PHLDB2: variants seen among roughly 807,000 people sequenced by gnomAD.
PHLDB2 encodes pleckstrin homology like domain family B member 2.
A neutral mutation model predicts 123.6 loss-of-function variants in PHLDB2; 71 were observed. The observed-to-expected ratio is 0.57, with a 90% CI of 0.47 to 0.70. The LOEUF is 0.70. Ranked by LOEUF, PHLDB2 falls within the 30% of genes least tolerant of loss-of-function variation. The pLI is 0.00. For missense variants in PHLDB2, 1,446 were observed against 1,519.5 expected (o/e 0.95, Z 0.80); for synonymous variants, 547 against 541.6 (o/e 1.01, Z -0.14).
intron 10 of PHLDB2, 129 bp from the exon 11 acceptor site, chr3:111,952,443 G>A: frequency 4.0e-6 from 4 of 1,002,246 alleles, no homozygotes; most frequent in African/African-American, 3.3e-5. Flanking sequence ...CACAATATAT[G>A]TTGAATAACT....
At chr3:111,966,818 C>T in intron 14 of PHLDB2, 115 bp downstream of exon 14, 1 of 705,366 alleles carries the variant, frequency 1.4e-6, no homozygotes, top group Non-Finnish European at 2.4e-6. Flanking sequence ...ATAAATCACT[C>T]AACCTTTCTC....
At chr3:111,943,702 CAT>C (rs1305407043) in intron 8 of PHLDB2, among the ~76,000 whole-genome samples, 1 of 152,118 alleles carries the variant, frequency 6.6e-6, no homozygotes, top group African/African-American at 2.4e-5. Flanking sequence ...AATTCCATCT[CAT>C]AAACTAAAAT....
At chr3:111,948,246 C>CGTGTGT (rs561953059) in intron 9 of PHLDB2, among the ~76,000 whole-genome samples, 1 of 149,410 alleles carries the variant, frequency 6.7e-6, no homozygotes, top group Admixed American at 6.7e-5. Context: ...CTTAGGACTC[C>CGTGTGT]GTGTGTGTGT....
intron 2 of PHLDB2, among the ~76,000 whole-genome samples, chr3:111,849,900 C>T (rs1472439876): frequency 2.7e-5 from 4 of 150,324 alleles, no homozygotes; most frequent in Non-Finnish European, 5.9e-5. Flanking sequence ...CTCGCTCTGT[C>T]GCCCAGGCTA....
intron 1 of PHLDB2, among the ~76,000 whole-genome samples, chr3:111,880,287 C>G (rs529356368): frequency 1.3e-5 from 2 of 152,100 alleles, no homozygotes; most frequent in Non-Finnish European, 2.9e-5. Context: ...ACCCCCTGAT[C>G]TAAAGGCAGA....
At chr3:111,929,764 C>T (rs535599597) in intron 5 of PHLDB2, among the ~76,000 whole-genome samples, 104 of 152,206 alleles carry the variant, frequency 6.8e-4, no homozygotes, top group African/African-American at 2.4e-3. Flanking sequence ...CTCTGGGACC[C>T]AGGTAGTGGT....
chr3:111,961,716 G>T (rs143109137), intron 12 of PHLDB2, among the ~76,000 whole-genome samples: 111 of 152,274 alleles, frequency 7.3e-4, no homozygotes, highest in Middle Eastern at 3.4e-3. Context: ...AGAAGTGCCT[G>T]CCCTAAAACC....
chr3:111,732,575 G>A, exon 1 of PHLDB2: 1 of 1,484,992 alleles, frequency 6.7e-7, no homozygotes, highest in African/African-American at 1.4e-5. Context: ...GGGAAAAGGA[G>A]AAACCTGTGT....
intron 1 of PHLDB2, among the ~76,000 whole-genome samples, chr3:111,828,221 A>G (rs2062760613): frequency 6.6e-6 from 1 of 152,188 alleles, no homozygotes; most frequent in African/African-American, 2.4e-5. Flanking sequence ...CTGGGAGAGA[A>G]AGGCCAAGAG....
intron 1 of PHLDB2, among the ~76,000 whole-genome samples, chr3:111,735,836 C>T (rs547322106): frequency 4.7e-4 from 71 of 152,204 alleles, no homozygotes; most frequent in Admixed American, 1.4e-3. Context: ...TGCAACTTGC[C>T]CAAGTCACAG....
intron 12 of PHLDB2, among the ~76,000 whole-genome samples, chr3:111,958,895 A>G (rs936334227): frequency 1.3e-5 from 2 of 152,320 alleles, no homozygotes; most frequent in East Asian, 1.9e-4. Context: ...GACTATTTAT[A>G]TAGAATATAT....
intron 5 of PHLDB2, among the ~76,000 whole-genome samples, chr3:111,925,560 G>A (rs1269795763): frequency 2.0e-5 from 3 of 152,212 alleles, no homozygotes; most frequent in Non-Finnish European, 4.4e-5. Context: ...GAAGCAGTAA[G>A]CAAAGAGACC....
At chr3:111,932,454 T>TTAA in intron 6 of PHLDB2, 57 bp downstream of exon 6, 1 of 1,509,798 alleles carries the variant, frequency 6.6e-7, no homozygotes. Context: ...GTTTTTCACT[T>TTAA]AAGTGCCACT....
intron 1 of PHLDB2, among the ~76,000 whole-genome samples, chr3:111,744,815 A>T (rs559384779): frequency 6.6e-6 from 1 of 152,350 alleles, no homozygotes; most frequent in African/African-American, 2.4e-5. Context: ...AGTGAATTAT[A>T]TGAAAGGATG....
chr3:111,913,267 T>G, intron 2 of PHLDB2, 52 bp from the exon 3 acceptor site: 1 of 1,516,154 alleles, frequency 6.6e-7, no homozygotes. Context: ...TTATTTGGAG[T>G]AGTATTCATT....
intron 5 of PHLDB2, among the ~76,000 whole-genome samples, chr3:111,928,632 A>G (rs2068940520): frequency 6.6e-6 from 1 of 152,198 alleles, no homozygotes; most frequent in African/African-American, 2.4e-5. Flanking sequence ...ACAACTCACT[A>G]TGGAAGCAAA....
chr3:111,955,768 C>T (rs906033539), intron 12 of PHLDB2, among the ~76,000 whole-genome samples: 8 of 152,158 alleles, frequency 5.3e-5, no homozygotes, highest in Admixed American at 2.6e-4. Flanking sequence ...TTTTTCCCAC[C>T]GTCGGAAGAC....
At chr3:111,841,087 TTTAA>T (rs1325314545) in intron 1 of PHLDB2, among the ~76,000 whole-genome samples, 1 of 152,134 alleles carries the variant, frequency 6.6e-6, no homozygotes, top group Non-Finnish European at 1.5e-5. Flanking sequence ...TATAATTTTA[TTTAA>T]TTAATTAATT....
chr3:111,768,078 T>G (rs576457595), intron 1 of PHLDB2, among the ~76,000 whole-genome samples: 20 of 152,038 alleles, frequency 1.3e-4, no homozygotes, highest in Non-Finnish European at 2.5e-4. Context: ...GAAGAAAAGG[T>G]GAGAGTTGAT....
Sources: allele counts gnomAD v4.1 joint callset (sites outside exome capture counted in the v4.1 genomes callset), GRCh38; gene constraint gnomAD v4.1.1; transcripts MANE v1.5; gene names NCBI Gene and HGNC (gene_info 2026-07-23, HGNC 2026-07-21).